The following TSPEAR variants were observed in gnomAD, a reference collection of about 807,000 sequenced individuals.
The protein encoded by TSPEAR is thrombospondin-type laminin G domain and EAR repeat-containing protein.
In TSPEAR, 69 loss-of-function variants were observed where a neutral mutation model predicts 71.6. The ratio of observed to expected loss-of-function variants is 0.96; its 90% CI spans 0.79 to 1.18. The LOEUF is 1.18. TSPEAR is among the 50% of genes most tolerant of loss of function. The pLI is 0.00. For synonymous variants in TSPEAR, 402 were observed against 387.2 expected, an observed-to-expected ratio of 1.04 and a Z score of -0.45; for missense variants, 971 against 894.9, an observed-to-expected ratio of 1.09 and a Z score of -1.09.
chr21:44,540,981 T>A lies in TSPEAR; in HGVS notation c.304-7058A>T, dbSNP rs113335518. Among the ~76,000 whole-genome samples, 1,054 of 151,794 alleles carry A rather than the reference T, an allele frequency of 6.9e-3. 12 individuals carry two copies. Among genetic ancestry groups the A allele is most frequent in the African/African-American group, 0.023 (939 of 41,428 alleles). ...CGTTATCAATATTCTTAAATTTATT[T>A]TTTTTTTTTTTTGTACAGATGGCGT... On this transcript the variant is annotated intron_variant, in intron 2 of 11. Transcript: ENST00000323084.
At chr21:44,534,877 G>A (rs1306237567) in intron 2 of TSPEAR, among the ~76,000 whole-genome samples, 4 of 152,244 alleles carry the variant, frequency 2.6e-5, no homozygotes, top group African/African-American at 9.6e-5. Flanking sequence ...CAACACAAGT[G>A]TCCACGAACG....
rs1569164092 is a variant in TSPEAR at position 44,525,155 on chromosome 21, T to TC, written c.1336+497_1336+498insG. Among the ~76,000 whole-genome samples the TC allele has an allele frequency of 8.5e-3, 1,286 of 151,658 alleles. 16 individuals carry two copies. The highest frequency in any genetic ancestry group is 0.03 in the African/African-American group (1,238 of 41,290). On this transcript the variant is annotated intron_variant, in intron 8 of 11. Transcript: ENST00000323084. ...GTAGTCAGTCAGACAGTCAGGTAGTTAGTCAGTCAGTCAGTCAGTGAAGTA... is the reference window on the plus strand; with the variant it reads ...GTAGTCAGTCAGACAGTCAGGTAGTTCAGTCAGTCAGTCAGTCAGTGAAGTA...
chr21:44,672,357 T>C (rs1191813968), intron 1 of TSPEAR, among the ~76,000 whole-genome samples: 2 of 152,080 alleles, frequency 1.3e-5, no homozygotes, highest in Non-Finnish European at 2.9e-5. Context: ...GATCACAAGG[T>C]CAGGAGATTG....
At position 44,610,543 on chromosome 21, in the gene TSPEAR, C is replaced by T. The variant is rs185851507; in HGVS notation, c.83-42538G>A. Among the ~76,000 whole-genome samples the T allele has an allele frequency of 2.1e-4, 32 of 152,380 alleles. No homozygotes were observed. The East Asian group carries it at 5.2e-3, about 25-fold the overall frequency. On this transcript the variant is annotated intron_variant, in intron 1 of 11. Transcript: ENST00000323084. ...GCATGGATGCCCAGGCAGAAGTTTG[C>T]TGCAGGGGTGGGGCCCTCATGGAGA...
chr21:44,537,282 C>T (rs2053104944), intron 2 of TSPEAR, among the ~76,000 whole-genome samples: 1 of 150,510 alleles, frequency 6.6e-6, no homozygotes, highest in Non-Finnish European at 1.5e-5. Flanking sequence ...CAATGCAATC[C>T]CAATCAAAAT....
chr21:44,626,389 G>C (rs1157245853), intron 1 of TSPEAR, among the ~76,000 whole-genome samples: 1 of 152,236 alleles, frequency 6.6e-6, no homozygotes, highest in African/African-American at 2.4e-5. Flanking sequence ...GTGAGAAAAA[G>C]ATGCTTGCAG....
In TSPEAR at chr21:44,573,714, C is replaced by A. The variant is rs200373178; in HGVS notation, c.83-5709G>T. The A allele has an allele frequency of 4.2e-3, 6,634 of 1,588,246 alleles. 16 individuals carry two copies. The highest frequency in any genetic ancestry group is 5.3e-3 in the Non-Finnish European group (6,176 of 1,165,444). Reference sequence around the variant, plus strand: ...ACCTCACTCACTCGCTCACCCACTCCCTCCCATCTCCCCCAGCTCAACCCC... The same window carrying A: ...ACCTCACTCACTCGCTCACCCACTCACTCCCATCTCCCCCAGCTCAACCCC... On this transcript the variant is annotated intron_variant, in intron 1 of 11. Coordinates refer to ENST00000323084, the MANE Select transcript of TSPEAR (RefSeq NM_144991.3).
At position 44,580,342 on chromosome 21, in the gene TSPEAR, G is replaced by A. The variant is rs587749265; in HGVS notation, c.83-12337C>T. On this transcript the variant is annotated intron_variant, in intron 1 of 11. Coordinates refer to ENST00000323084, the MANE Select transcript of TSPEAR (RefSeq NM_144991.3). The stretch of plus-strand genomic sequence containing the variant: ...AGGCCTGCTGGCAGGGGGAGGAGGC[G>A]CAGCAAGCCGGCTGGCAGCACGAGG... 426 of 1,613,914 alleles carry A rather than the reference G, an allele frequency of 2.6e-4. 1 individual carries two copies. In the Middle Eastern group the frequency reaches 9.9e-3, roughly 38 times the overall value.
intron 1 of TSPEAR, chr21:44,677,220 A>G: frequency 1.4e-6 from 1 of 712,752 alleles, no homozygotes; most frequent in Admixed American, 2.1e-5. Flanking sequence ...CATCTTCTCT[A>G]CCTCTTCTTT....
At chr21:44,608,525 C>T (rs1981456351) in intron 1 of TSPEAR, among the ~76,000 whole-genome samples, 1 of 152,178 alleles carries the variant, frequency 6.6e-6, no homozygotes. Flanking sequence ...AACTCATATT[C>T]AGAATACATA....
chr21:44,531,843 C>T (rs782139692), intron 3 of TSPEAR, among the ~76,000 whole-genome samples: 22 of 152,232 alleles, frequency 1.4e-4, no homozygotes, highest in Non-Finnish European at 2.6e-4. Flanking sequence ...GGCTGAACTC[C>T]GGAGATGGAG....
In TSPEAR at chr21:44,689,706, A is replaced by AGAAT. The variant is rs1184299673; in HGVS notation, c.82+21723_82+21726dup. 5.5e-4 allele frequency among the ~76,000 whole-genome samples: 19 copies of AGAAT among 34,290 alleles called. 2 individuals carry two copies. The highest frequency in any genetic ancestry group is 0.014 in the Middle Eastern group (1 of 72). The allele number at this position is 34,290 out of a possible 152,430, so 22.5% of individuals were successfully genotyped here. A position where few individuals can be genotyped will look rare whatever the true frequency, so the allele number is the denominator to read the frequency against. On this transcript the variant is annotated intron_variant, in intron 1 of 11. Coordinates refer to ENST00000323084, the MANE Select transcript of TSPEAR (RefSeq NM_144991.3). ...TAGGGTTCCCTTAGAGGGACAGAATAGAATGAATATATATATATATATATA... is the reference window on the plus strand; with the variant it reads ...TAGGGTTCCCTTAGAGGGACAGAATAGAATGAATGAATATATATATATATATATA...
intron 9 of TSPEAR, chr21:44,518,448 C>G: frequency 5.2e-6 from 2 of 385,330 alleles, no homozygotes; most frequent in South Asian, 4.0e-5. Flanking sequence ...GTTGGTAGAT[C>G]TAGGATGATA....
intron 11 of TSPEAR, among the ~76,000 whole-genome samples, chr21:44,504,486 GTGAGCC>G (rs1555911609): frequency 1.4e-5 from 2 of 146,132 alleles, no homozygotes; most frequent in African/African-American, 2.6e-5. Flanking sequence ...GCCGGCCTCG[GTGAGCC>G]CACAGTGGGG....
chr21:44,522,697 TC>T (rs60349727), intron 8 of TSPEAR, among the ~76,000 whole-genome samples: 18 of 152,340 alleles, frequency 1.2e-4, no homozygotes, highest in African/African-American at 4.3e-4. Context: ...AAAGCAGGTG[TC>T]CCGGTACCTT....
chr21:44,552,516 C>T (rs1341955077), intron 2 of TSPEAR, among the ~76,000 whole-genome samples: 2 of 152,182 alleles, frequency 1.3e-5, no homozygotes, highest in Non-Finnish European at 2.9e-5. Flanking sequence ...TCACTGGAAG[C>T]TCTCCTGTCA....
intron 8 of TSPEAR, among the ~76,000 whole-genome samples, chr21:44,525,286 GTCAA>G (rs1201601879): frequency 5.3e-5 from 8 of 152,238 alleles, no homozygotes; most frequent in East Asian, 1.9e-4. Context: ...AGGTAATTTA[GTCAA>G]TCAGTCATCA....
chr21:44,689,195 T>C (rs781915036), intron 1 of TSPEAR, among the ~76,000 whole-genome samples: 10 of 152,116 alleles, frequency 6.6e-5, no homozygotes, highest in Non-Finnish European at 1.2e-4. Flanking sequence ...ACCAATGGTT[T>C]AAGGAACTTA....
In TSPEAR at chr21:44,592,453, C is replaced by T. The variant is rs782399265; in HGVS notation, c.83-24448G>A. The T allele has an allele frequency of 3.7e-6, 6 of 1,611,430 alleles. No homozygotes were observed. The East Asian group carries it at 1.3e-4, about 36-fold the overall frequency. On this transcript the variant is annotated intron_variant, in intron 1 of 11. Coordinates refer to ENST00000323084, the MANE Select transcript of TSPEAR (RefSeq NM_144991.3). ...GACGCGGCTGCCGTAGCTCAGGTCGCTGGAGCAGACGGACATGGTGGACGC... is the reference window on the plus strand; with the variant it reads ...GACGCGGCTGCCGTAGCTCAGGTCGTTGGAGCAGACGGACATGGTGGACGC...
Sources: gnomAD v4.1 joint callset for allele counts (sites outside exome capture counted in the v4.1 genomes callset) on GRCh38, gnomAD v4.1.1 for gene constraint, MANE v1.5 for transcripts, NCBI Gene and HGNC (gene_info 2026-07-23, HGNC 2026-07-21) for gene names.